Variants in LINGO2 observed in about 807,000 individuals in gnomAD.
The protein encoded by LINGO2 is leucine-rich repeat and immunoglobulin-like domain-containing nogo receptor-interacting protein 2.
Under a neutral mutation model 30.6 loss-of-function variants are expected in LINGO2, and 14 were observed. That is an observed-to-expected ratio of 0.46 (90% CI 0.30 to 0.72). LINGO2 has a LOEUF of 0.72. LINGO2 is among the 30% of genes least tolerant of loss of function. The pLI, the probability that LINGO2 is intolerant of heterozygous loss-of-function variation, is 0.07. For synonymous variants in LINGO2, 317 were observed against 288.5 expected (o/e 1.10, Z -1.00); for missense variants, 729 against 751.7 (o/e 0.97, Z 0.35).
the LINGO2 span, among the ~76,000 whole-genome samples, chr9:29,180,112 T>C: frequency 1.1e-4 from 17 of 152,164 alleles, no homozygotes; most frequent in Non-Finnish European, 2.9e-5. Flanking sequence ...GACCTTATAA[T>C]TGCAATTTCA....
the LINGO2 span, among the ~76,000 whole-genome samples, chr9:29,111,779 T>C: frequency 7.5e-6 from 1 of 133,954 alleles, no homozygotes; most frequent in Non-Finnish European, 1.6e-5. Flanking sequence ...GAGGGCATAA[T>C]ACCTAAAGTT....
chr9:29,203,062 T>C, the LINGO2 span, among the ~76,000 whole-genome samples: 1 of 152,138 alleles, frequency 6.6e-6, no homozygotes, highest in African/African-American at 2.4e-5. Flanking sequence ...AATCTTGAAT[T>C]CAGAACCAAC....
At chr9:28,411,894 A>G (rs930323474) in intron 2 of LINGO2, among the ~76,000 whole-genome samples, 3 of 152,176 alleles carry the variant, frequency 2.0e-5, no homozygotes, top group South Asian at 2.1e-4. Flanking sequence ...CAGTGTACAA[A>G]GTTTCAAATT....
the LINGO2 span, among the ~76,000 whole-genome samples, chr9:28,734,089 T>G: frequency 6.6e-6 from 1 of 152,082 alleles, no homozygotes; most frequent in Admixed American, 6.6e-5. Flanking sequence ...TATATATACC[T>G]ATAATAAATT....
intron 4 of LINGO2, among the ~76,000 whole-genome samples, chr9:28,291,686 T>C (rs1409788199): frequency 6.6e-6 from 1 of 152,214 alleles, no homozygotes; most frequent in Non-Finnish European, 1.5e-5. Flanking sequence ...AATATATTTT[T>C]TAATGAACAG....
intron 5 of LINGO2, among the ~76,000 whole-genome samples, chr9:27,965,026 C>A (rs1157593484): frequency 6.6e-6 from 1 of 152,050 alleles, no homozygotes; most frequent in East Asian, 1.9e-4. Context: ...CCACAAGAAA[C>A]AAAAGAGGAT....
chr9:27,967,057 A>G lies in LINGO2; in HGVS notation c.-35-16351T>C, dbSNP rs986117059. ...CTCTGGAGATTACCTGGTTTTAATTAGTTGGTGCTGAATGCACCTAGACAT... is the reference window on the plus strand; with the variant it reads ...CTCTGGAGATTACCTGGTTTTAATTGGTTGGTGCTGAATGCACCTAGACAT... On this transcript the variant is annotated intron_variant, in intron 5 of 5. Coordinates refer to ENST00000379992, the Ensembl canonical transcript of LINGO2. Among the ~76,000 whole-genome samples the G allele has an allele frequency of 1.1e-4, 16 of 152,330 alleles. No individual in the cohort carries two copies. The East Asian group carries it at 3.1e-3, about 29-fold the overall frequency.
rs1406344215 is a variant in LINGO2, at chr9:28,129,290, C to G, written c.-86-116885G>C. Among the ~76,000 whole-genome samples the G allele has an allele frequency of 6.6e-6, 1 of 152,284 alleles. No homozygotes were observed. Among genetic ancestry groups the G allele is most frequent in the Admixed American group, 6.5e-5 (1 of 15,290 alleles). ...ACTCCTTTTGGTATATACATATATC[C>G]TATTAGTTGTATCCCTCTGGAGAAC... On this transcript the variant is annotated intron_variant, in intron 4 of 5. Transcript: ENST00000379992. This position sits in a 1 kb window ranked among gnomAD's most constrained non-coding sequence, Gnocchi z 4.0.
intron 1 of LINGO2, among the ~76,000 whole-genome samples, chr9:28,648,712 G>T (rs1827955266): frequency 6.6e-6 from 1 of 151,914 alleles, no homozygotes; most frequent in Non-Finnish European, 1.5e-5. Flanking sequence ...AGTACTCTTA[G>T]TCTAATGCTA....
At chr9:28,785,686 GCA>G in the LINGO2 span, among the ~76,000 whole-genome samples, 69,636 of 124,228 alleles carry the variant, frequency 0.56, 18,104 homozygotes, top group Middle Eastern at 0.7. Flanking sequence ...ACACACACAC[GCA>G]CACACACACA....
the LINGO2 span, among the ~76,000 whole-genome samples, chr9:29,174,545 A>T: frequency 3.3e-5 from 5 of 152,134 alleles, no homozygotes; most frequent in African/African-American, 1.2e-4. Context: ...AAGACTTTCA[A>T]CTAAGCTTTT....
At chr9:28,022,192 C>T (rs1488703672) in intron 4 of LINGO2, among the ~76,000 whole-genome samples, 1 of 151,852 alleles carries the variant, frequency 6.6e-6, no homozygotes, top group Non-Finnish European at 1.5e-5. Flanking sequence ...TTTCAAATAC[C>T]ACTATATTGC....
At chr9:28,608,056 A>T (rs979814912) in intron 1 of LINGO2, among the ~76,000 whole-genome samples, 4 of 152,054 alleles carry the variant, frequency 2.6e-5, no homozygotes, top group Admixed American at 6.6e-5. Flanking sequence ...ACACTCATCA[A>T]ATTAGAAATA....
At chr9:29,045,463 T>C in the LINGO2 span, among the ~76,000 whole-genome samples, 1 of 152,038 alleles carries the variant, frequency 6.6e-6, no homozygotes, top group South Asian at 2.1e-4. Context: ...GCACAAAATA[T>C]TTTCTATAGT....
the LINGO2 span, among the ~76,000 whole-genome samples, chr9:28,950,754 A>G: frequency 6.6e-6 from 1 of 152,196 alleles, no homozygotes; most frequent in Non-Finnish European, 1.5e-5. Context: ...GAGGACACAA[A>G]CAAATAGAAA....
chr9:28,052,750 C>G (rs569483115), intron 4 of LINGO2, among the ~76,000 whole-genome samples: 1 of 152,124 alleles, frequency 6.6e-6, no homozygotes, highest in South Asian at 2.1e-4. Flanking sequence ...CTTAAGGAAT[C>G]AGATCTAGTA....
intron 5 of LINGO2, among the ~76,000 whole-genome samples, chr9:27,966,644 A>G (rs61055577): frequency 0.068 from 10,295 of 152,142 alleles, 1,158 homozygotes; most frequent in African/African-American, 0.23. Context: ...CCTAGATGAC[A>G]GGTTGATAGC....
chr9:28,401,242 C>T (rs1327764123), intron 2 of LINGO2, among the ~76,000 whole-genome samples: 1 of 152,014 alleles, frequency 6.6e-6, no homozygotes, highest in Non-Finnish European at 1.5e-5. Flanking sequence ...TTGTACCATG[C>T]TGGTTTGCTG....
At chr9:28,283,548 G>T (rs1823400741) in intron 4 of LINGO2, among the ~76,000 whole-genome samples, 1 of 152,032 alleles carries the variant, frequency 6.6e-6, no homozygotes, top group South Asian at 2.1e-4. Context: ...ATAGGGATTG[G>T]ATTATTAATT....
Sources: allele counts gnomAD v4.1 joint callset (sites outside exome capture counted in the v4.1 genomes callset), GRCh38; gene constraint gnomAD v4.1.1; non-coding constraint Gnocchi (gnomAD v3.1); transcripts MANE v1.5; gene names NCBI Gene and HGNC (gene_info 2026-07-23, HGNC 2026-07-21).